Variants in NDUFB5 observed in about 807,000 individuals in gnomAD.
NDUFB5 encodes NADH dehydrogenase [ubiquinone] 1 beta subcomplex subunit 5, mitochondrial.
A neutral mutation model predicts 19.4 loss-of-function variants in NDUFB5; 19 were observed. The ratio of observed to expected loss-of-function variants is 0.98; its 90% confidence interval spans 0.68 to 1.43. NDUFB5 has a LOEUF of 1.43. Among genes scored for constraint, NDUFB5 ranks in the 40% most tolerant of loss-of-function variants. The pLI is 0.00. For synonymous variants in NDUFB5, 80 were observed against 82.6 expected, an observed-to-expected ratio of 0.97 and a Z score of 0.17; for missense variants, 233 against 236.5, an observed-to-expected ratio of 0.99 and a Z score of 0.10.
At chr3:179,618,688 G>A (rs1719448003) in intron 5 of NDUFB5, among the ~76,000 whole-genome samples, 167 bp downstream of exon 5, 3 of 151,938 alleles carry the variant, frequency 2.0e-5, no homozygotes, top group Admixed American at 6.6e-5. Flanking sequence ...CAGCACTTTG[G>A]GAGGCTACAG....
Position 179,605,009 on chromosome 3 carries a change from G to A in NDUFB5, c.124+70G>A. 4 of 1,463,582 alleles carry A rather than the reference G, an allele frequency of 2.7e-6. No individual in the cohort carries two copies. In the South Asian group the frequency reaches 4.4e-5, roughly 16 times the overall value. The allele number at this position is 1,463,582 out of a possible 1,614,324, so 90.7% of individuals were successfully genotyped here. On this transcript the variant is annotated intron_variant, in intron 1 of 5. Coordinates refer to ENST00000259037, the MANE Select transcript of NDUFB5 (RefSeq NM_002492.4). The stretch of plus-strand genomic sequence containing the variant: ...CGAGAAAAGGGAGGACGCTTCCAGG[G>A]TGACCTTGGTGGGATCCGGAGGGAG...
At chr3:179,609,142 T>C (rs528229185) in intron 1 of NDUFB5, among the ~76,000 whole-genome samples, 1 of 152,360 alleles carries the variant, frequency 6.6e-6, no homozygotes, top group East Asian at 1.9e-4. Flanking sequence ...TGAGTATGAC[T>C]TGTGTTGTGA....
intron 3 of NDUFB5, among the ~76,000 whole-genome samples, 171 bp from the exon 4 acceptor site, chr3:179,616,812 T>G (rs1719390794): frequency 6.6e-6 from 1 of 152,212 alleles, no homozygotes; most frequent in South Asian, 2.1e-4. Flanking sequence ...ACAAATGAAT[T>G]GATTTTCAAC....
In NDUFB5 at chr3:179,626,240, T is replaced by C. The variant is rs967914293; in HGVS notation, c.*2200T>C. On this transcript the variant is annotated 3_prime_UTR_variant, in exon 6 of 6. Coordinates refer to ENST00000259037, the MANE Select transcript of NDUFB5 (RefSeq NM_002492.4). Reference sequence around the variant, plus strand: ...TATGTCTTCCTTTGAGAAATGTCTATACAGATCTCTGGCCCTTTTTTTAAA... The same window carrying C: ...TATGTCTTCCTTTGAGAAATGTCTACACAGATCTCTGGCCCTTTTTTTAAA... 3 of 152,202 alleles carry C rather than the reference T, an allele frequency of 2.0e-5. No individual in the cohort carries two copies. Among genetic ancestry groups the C allele is most frequent in the African/African-American group, 4.8e-5 (2 of 41,454 alleles). The allele number at this position is 152,202 out of a possible 1,614,324, so 9.4% of individuals were successfully genotyped here.
At chr3:179,609,002 A>C (rs1280123777) in intron 1 of NDUFB5, among the ~76,000 whole-genome samples, 1 of 152,256 alleles carries the variant, frequency 6.6e-6, no homozygotes, top group Non-Finnish European at 1.5e-5. Context: ...GTAAAGCTTC[A>C]CTTAACATCA....
intron 2 of NDUFB5, chr3:179,615,555 G>C (rs1719354602): frequency 2.2e-6 from 1 of 459,744 alleles, no homozygotes; most frequent in African/African-American, 2.0e-5. Context: ...TCTGTCTCAA[G>C]GCTCTATACG....
intron 1 of NDUFB5, among the ~76,000 whole-genome samples, chr3:179,614,555 C>T (rs1455607221): frequency 6.6e-6 from 1 of 152,114 alleles, no homozygotes. Flanking sequence ...ATGAGCAGCT[C>T]ATTAAGTACC....
chr3:179,618,627 A>T (rs940201753), intron 5 of NDUFB5, 106 bp downstream of exon 5: 3 of 742,556 alleles, frequency 4.0e-6, no homozygotes, highest in Non-Finnish European at 6.8e-6. Context: ...AGGATACTTT[A>T]TGTAAAAGGA....
chr3:179,606,441 C>T (rs1390072697), intron 1 of NDUFB5, among the ~76,000 whole-genome samples: 1 of 152,238 alleles, frequency 6.6e-6, no homozygotes, highest in South Asian at 2.1e-4. Context: ...TGCGTTCAGG[C>T]GATTCTCCTG....
chr3:179,621,189 C>T (rs1271069023), intron 5 of NDUFB5, among the ~76,000 whole-genome samples: 1 of 151,998 alleles, frequency 6.6e-6, no homozygotes, highest in Non-Finnish European at 1.5e-5. Context: ...GCTGTCCTCC[C>T]ACCCAAGCCT....
intron 1 of NDUFB5, among the ~76,000 whole-genome samples, chr3:179,612,513 TC>T (rs1560024478): frequency 7.2e-6 from 1 of 139,398 alleles, no homozygotes; most frequent in African/African-American, 2.7e-5. Context: ...AGTCTCACTC[TC>T]GCCCAGGTTG....
Position 179,617,029 on chromosome 3 carries a change from C to T in NDUFB5, c.327C>T (p.His109=). The T allele has an allele frequency of 6.2e-7, 1 of 1,611,366 alleles. No homozygotes were observed. ...TTCCAGAAGGCTATGTCCCAGAACA[C>T]TGGGAATATTATAAGGTTTGTATAG... The part of the protein sequence containing the change: ...AEIPEGYVPE[H]WEYYKHPISR... Residue 109 remains histidine, a synonymous_variant, in exon 4 of 6, where the codon CAC becomes CAT. Coordinates refer to ENST00000259037, the MANE Select transcript of NDUFB5 (RefSeq NM_002492.4).
In NDUFB5 at chr3:179,618,383, T is replaced by C. The variant is rs1719437668; in HGVS notation, c.343-32T>C. ...AGAAAAGCAAAGTATTATTCAGAAA[T>C]GGACTAATATTAAACGAATTTTCTC... On this transcript the variant is annotated intron_variant, in intron 4 of 5. Coordinates refer to ENST00000259037, the MANE Select transcript of NDUFB5 (RefSeq NM_002492.4). 4 of 1,360,432 alleles carry C rather than the reference T, an allele frequency of 2.9e-6. No individual in the cohort carries two copies. In the East Asian group the frequency reaches 6.9e-5, roughly 24 times the overall value. The allele number at this position is 1,360,432 out of a possible 1,614,324, so 84.3% of individuals were successfully genotyped here.
chr3:179,615,946 G>A lies in NDUFB5; in HGVS notation c.214-37G>A, dbSNP rs191319573. 2.7e-4 allele frequency: 395 copies of A among 1,478,428 alleles called. No individual in the cohort carries two copies. The African/African-American group carries it at 3.8e-3, about 14-fold the overall frequency. The allele number at this position is 1,478,428 out of a possible 1,614,324, so 91.6% of individuals were successfully genotyped here. A position where few individuals can be genotyped will look rare whatever the true frequency, so the allele number is the denominator to read the frequency against. On this transcript the variant is annotated intron_variant, in intron 2 of 5. Transcript: ENST00000259037. ...ATGATTTGTGTGTGGGGAGAGTTAC[G>A]AAATGGTCATGAGAAACACTTTTTT...
At chr3:179,620,490 A>C (rs1719506599) in intron 5 of NDUFB5, among the ~76,000 whole-genome samples, 1 of 152,226 alleles carries the variant, frequency 6.6e-6, no homozygotes, top group African/African-American at 2.4e-5. Context: ...CAAGTTTGTC[A>C]AAGATCAGAT....
At chr3:179,616,848 A>G (rs144830514) in intron 3 of NDUFB5, 135 bp from the exon 4 acceptor site, 211 of 648,034 alleles carry the variant, frequency 3.3e-4, no homozygotes, top group African/African-American at 2.0e-3. Context: ...TAAAAATACT[A>G]CATATCTTCA....
intron 5 of NDUFB5, among the ~76,000 whole-genome samples, chr3:179,621,496 C>CTTT (rs35414472): frequency 3.4e-4 from 44 of 130,576 alleles, no homozygotes; most frequent in South Asian, 3.2e-3. Context: ...TTTTCTTTTT[C>CTTT]TTTTTTTTTT....
chr3:179,612,638 G>A (rs1310857850), intron 1 of NDUFB5, among the ~76,000 whole-genome samples: 6 of 150,850 alleles, frequency 4.0e-5, no homozygotes, highest in African/African-American at 9.8e-5. Context: ...CACCACACCC[G>A]GCTATTTTTT....
chr3:179,613,513 A>C (rs907295592), intron 1 of NDUFB5, among the ~76,000 whole-genome samples: 1 of 152,230 alleles, frequency 6.6e-6, no homozygotes, highest in African/African-American at 2.4e-5. Flanking sequence ...CATAGTATGC[A>C]ATTAAATATG....
Sources: allele counts gnomAD v4.1 joint callset (sites outside exome capture counted in the v4.1 genomes callset), GRCh38; gene constraint gnomAD v4.1.1; transcripts MANE v1.5; gene names NCBI Gene and HGNC (gene_info 2026-07-23, HGNC 2026-07-21).